Variants in ARMC6 observed in about 807,000 individuals in gnomAD.
The protein encoded by ARMC6 is armadillo repeat containing 6.
A neutral mutation model predicts 49.2 loss-of-function variants in ARMC6; 43 were observed. The observed-to-expected ratio is 0.87, with a 90% CI of 0.69 to 1.13. The LOEUF is 1.13. Ranked by LOEUF, ARMC6 falls within the 50% of genes most tolerant of loss-of-function variation. The pLI is 0.00. For synonymous variants in ARMC6, 262 were observed against 289.6 expected (o/e 0.90, Z 0.97); for missense variants, 627 against 682.0 (o/e 0.92, Z 0.90).
At chr19:19,050,762 A>G (rs901398471) in intron 4 of ARMC6, among the ~76,000 whole-genome samples, 1 of 152,214 alleles carries the variant, frequency 6.6e-6, no homozygotes, top group Non-Finnish European at 1.5e-5. Context: ...CTCAGTGAGG[A>G]TTATCCCATA....
rs141816725 is a variant in ARMC6 at position 19,053,494 on chromosome 19, T to TTAATAA, written c.854-640_854-635dup. Among the ~76,000 whole-genome samples, 10 of 151,408 alleles carry TTAATAA rather than the reference T, an allele frequency of 6.6e-5. No individual in the cohort carries two copies. In the South Asian group the frequency reaches 1.3e-3, roughly 19 times the overall value. ...AAAGCGAGACTCTGTCTCAAAAAAA[T>TTAATAA]TAATAATAATAATAATAATAATAGA... On this transcript the variant is annotated intron_variant, in intron 5 of 8. Transcript: ENST00000535612.
chr19:19,057,915 G>A lies in ARMC6; in HGVS notation c.*287G>A. Reference sequence around the variant, plus strand: ...CCCACGCCCTACCAGAGGGGGCAAAGGGCACGTCCCATCACTCACTGCCCT... The same window carrying A: ...CCCACGCCCTACCAGAGGGGGCAAAAGGCACGTCCCATCACTCACTGCCCT... On this transcript the variant is annotated 3_prime_UTR_variant, in exon 9 of 9. Coordinates refer to ENST00000535612, the MANE Select transcript of ARMC6 (RefSeq NM_001199196.2). 5.6e-6 allele frequency: 3 copies of A among 539,114 alleles called. No homozygotes were observed. In the East Asian group the frequency reaches 1.0e-4, roughly 18 times the overall value. The allele number at this position is 539,114 out of a possible 1,614,324, so 33.4% of individuals were successfully genotyped here.
At chr19:19,054,456 G>A in intron 6 of ARMC6, 135 bp downstream of exon 6, 5 of 950,388 alleles carry the variant, frequency 5.3e-6, no homozygotes, top group Non-Finnish European at 7.3e-6. Flanking sequence ...CGGACCCAAG[G>A]GCAGGAACCA....
At chr19:19,057,008 G>C (rs911420205) in intron 8 of ARMC6, among the ~76,000 whole-genome samples, 5 of 152,212 alleles carry the variant, frequency 3.3e-5, no homozygotes, top group African/African-American at 1.2e-4. Context: ...AGGTGCACAG[G>C]GCACAAATGT....
intron 4 of ARMC6, among the ~76,000 whole-genome samples, chr19:19,048,996 T>A (rs992505298): frequency 6.6e-6 from 1 of 152,058 alleles, no homozygotes; most frequent in Non-Finnish European, 1.5e-5. Flanking sequence ...AAGTAGTTTT[T>A]CAGGTTACCT....
At chr19:19,045,654 ATT>A (rs35182072) in intron 4 of ARMC6, among the ~76,000 whole-genome samples, 119 of 136,038 alleles carry the variant, frequency 8.7e-4, no homozygotes, top group Non-Finnish European at 8.2e-4. Context: ...TGCCCAGCTA[ATT>A]TTTTTTTTTT....
intron 4 of ARMC6, among the ~76,000 whole-genome samples, chr19:19,045,176 A>G (rs1431640373): frequency 3.3e-5 from 5 of 151,992 alleles, no homozygotes; most frequent in African/African-American, 1.2e-4. Flanking sequence ...ACACCTGACT[A>G]ATTTTTTTGT....
At chr19:19,033,999 T>A in intron 1 of ARMC6, 69 bp downstream of exon 1, 1 of 556,726 alleles carries the variant, frequency 1.8e-6, no homozygotes, top group Non-Finnish European at 3.2e-6. Context: ...AGGGTCGGGC[T>A]GGCGCGACCC....
chr19:19,057,373 C>T (rs2059553118), intron 8 of ARMC6, 43 bp from the exon 9 acceptor site: 3 of 1,572,254 alleles, frequency 1.9e-6, no homozygotes, highest in Non-Finnish European at 2.6e-6. Context: ...TGGACCCCAC[C>T]CCAAAGCCCC....
intron 4 of ARMC6, among the ~76,000 whole-genome samples, chr19:19,044,711 G>T (rs1281939893): frequency 6.6e-6 from 1 of 152,218 alleles, no homozygotes; most frequent in Admixed American, 6.6e-5. Context: ...TGTCTTCTTG[G>T]TCACTGTCCA....
At chr19:19,034,030 G>GGA (rs1161453039) in intron 1 of ARMC6, 100 bp downstream of exon 1, 7 of 523,042 alleles carry the variant, frequency 1.3e-5, no homozygotes, top group African/African-American at 9.8e-5. Flanking sequence ...GGTTTGGGGG[G>GGA]AAAAAAAAAA....
At chr19:19,039,623 T>C (rs1433782863) in intron 2 of ARMC6, among the ~76,000 whole-genome samples, 3 of 152,354 alleles carry the variant, frequency 2.0e-5, no homozygotes, top group Non-Finnish European at 2.9e-5. Context: ...GGATATTTCA[T>C]GTCATTGGAA....
At chr19:19,046,934 T>TTTTC (rs2059456044) in intron 4 of ARMC6, among the ~76,000 whole-genome samples, 1 of 148,376 alleles carries the variant, frequency 6.7e-6, no homozygotes, top group African/African-American at 2.5e-5. Flanking sequence ...CCTGTTTTTT[T>TTTTC]TTTTTTTTCT....
At chr19:19,036,274 C>G (rs1568486718) in intron 2 of ARMC6, among the ~76,000 whole-genome samples, 1 of 152,130 alleles carries the variant, frequency 6.6e-6, no homozygotes, top group Non-Finnish European at 1.5e-5. Flanking sequence ...GTTGGTCAGG[C>G]TGGTCTCGAA....
At chr19:19,034,419 G>T (rs1275769338) in intron 2 of ARMC6, among the ~76,000 whole-genome samples, 181 bp downstream of exon 2, 7 of 152,152 alleles carry the variant, frequency 4.6e-5, no homozygotes, top group Admixed American at 4.6e-4. Flanking sequence ...GTTCTGAGAG[G>T]GTTGGGAAGC....
intron 4 of ARMC6, among the ~76,000 whole-genome samples, chr19:19,047,653 G>A (rs1022429962): frequency 1.3e-5 from 2 of 152,152 alleles, no homozygotes; most frequent in Non-Finnish European, 2.9e-5. Flanking sequence ...TCTGCCACCT[G>A]CATTTTAGCA....
intron 2 of ARMC6, among the ~76,000 whole-genome samples, 170 bp from the exon 3 acceptor site, chr19:19,042,541 A>G (rs1191945090): frequency 6.6e-6 from 1 of 152,202 alleles, no homozygotes; most frequent in Non-Finnish European, 1.5e-5. Flanking sequence ...GTTCTAGGGA[A>G]GTAGGGATAT....
intron 2 of ARMC6, among the ~76,000 whole-genome samples, chr19:19,038,340 A>G (rs1018800883): frequency 5.9e-5 from 9 of 152,182 alleles, no homozygotes; most frequent in African/African-American, 2.2e-4. Flanking sequence ...CCATGGAAAA[A>G]TTGTCTTCCA....
intron 2 of ARMC6, chr19:19,040,605 A>C: frequency 8.1e-6 from 2 of 246,530 alleles, no homozygotes; most frequent in Non-Finnish European, 1.7e-5. Context: ...GCCAGTTTTC[A>C]GAAGCCTGAG....
Sources: gnomAD v4.1 joint callset for allele counts (sites outside exome capture counted in the v4.1 genomes callset) on GRCh38, gnomAD v4.1.1 for gene constraint, MANE v1.5 for transcripts, NCBI Gene and HGNC (gene_info 2026-07-23, HGNC 2026-07-21) for gene names.